GRM7: variants seen among roughly 807,000 people sequenced by gnomAD.
GRM7 encodes the protein metabotropic glutamate receptor 7.
A neutral mutation model predicts 84.5 loss-of-function variants in GRM7; 35 were observed. The ratio of observed to expected loss-of-function variants is 0.41; its 90% CI spans 0.32 to 0.55. GRM7 has a LOEUF of 0.55. Ranked by LOEUF, GRM7 falls within the 20% of genes least tolerant of loss-of-function variation. The pLI, the probability that GRM7 is intolerant of heterozygous loss-of-function variation, is 0.19. For missense variants in GRM7, 1,003 were observed against 1,194.6 expected (o/e 0.84, Z 2.36); for synonymous variants, 487 against 455.1 (o/e 1.07, Z -0.89).
At chr3:6,978,663 G>A (rs183531422) in intron 1 of GRM7, among the ~76,000 whole-genome samples, 471 of 152,240 alleles carry the variant, frequency 3.1e-3, no homozygotes, top group Admixed American at 4.7e-3. Context: ...GAGTGAGTGG[G>A]GGAGATGATG....
At chr3:6,941,861 C>T (rs182383870) in intron 1 of GRM7, among the ~76,000 whole-genome samples, 28 of 152,060 alleles carry the variant, frequency 1.8e-4, no homozygotes, top group Non-Finnish European at 3.1e-4. Context: ...CTTTGGAGGC[C>T]CTGTCAGTCT....
chr3:7,578,758 A>G lies in GRM7; in HGVS notation c.1852A>G (p.Thr618Ala). 1 of 1,613,424 alleles carries G rather than the reference A, an allele frequency of 6.2e-7. No homozygotes were observed. Among genetic ancestry groups the G allele is most frequent in the Non-Finnish European group, 8.5e-7 (1 of 1,179,456 alleles). The change falls in exon 8 of 10, where the codon ACG becomes GCG. Residue 618 changes from threonine to alanine, a missense_variant. Physicochemically the swap from Thr to Ala is moderately conservative, Grantham distance 58. Around this residue, in one of 2 missense-constraint regions of GRM7, gnomAD observed 910 missense variants for 1,126.0 expected, o/e 0.81. Coordinates refer to ENST00000357716, the MANE Select transcript of GRM7 (RefSeq NM_000844.4). ...GGCCACTTTCATCCGCTACAATGACACGCCCATTGTCCGGGCATCTGGGCG... is the reference window on the plus strand; with the variant it reads ...GGCCACTTTCATCCGCTACAATGACGCGCCCATTGTCCGGGCATCTGGGCG... ...VMATFIRYND[T>A]PIVRASGREL...
At chr3:6,942,801 CT>C (rs1386872667) in intron 1 of GRM7, among the ~76,000 whole-genome samples, 1 of 152,058 alleles carries the variant, frequency 6.6e-6, no homozygotes, top group Non-Finnish European at 1.5e-5. Flanking sequence ...AATTGCCAAA[CT>C]GTTTTCCAAA....
intron 8 of GRM7, among the ~76,000 whole-genome samples, chr3:7,630,256 G>C (rs1183235146): frequency 6.6e-6 from 1 of 152,130 alleles, no homozygotes; most frequent in Admixed American, 6.5e-5. Context: ...CTACAGGATA[G>C]AAGAAGAATT....
chr3:7,205,728 C>T (rs968209459), intron 2 of GRM7, among the ~76,000 whole-genome samples: 16 of 152,070 alleles, frequency 1.1e-4, no homozygotes, highest in African/African-American at 3.6e-4. Flanking sequence ...AACACCCAGA[C>T]GTGAATGCAG....
chr3:7,447,479 A>T (rs2124882630), intron 5 of GRM7, among the ~76,000 whole-genome samples: 2 of 152,264 alleles, frequency 1.3e-5, no homozygotes, highest in South Asian at 4.1e-4. Flanking sequence ...GAACCATTTC[A>T]TGTATTACTC....
intron 2 of GRM7, among the ~76,000 whole-genome samples, chr3:7,286,928 A>G (rs1699451384): frequency 6.6e-6 from 1 of 152,140 alleles, no homozygotes; most frequent in Non-Finnish European, 1.5e-5. Flanking sequence ...ATAATGTTAC[A>G]TTGGCTTAAA....
chr3:7,661,506 A>G (rs1387957088), intron 8 of GRM7, among the ~76,000 whole-genome samples: 1 of 152,100 alleles, frequency 6.6e-6, no homozygotes, highest in Admixed American at 6.6e-5. Flanking sequence ...TAAGAATATA[A>G]AATGCTGGCC....
At chr3:7,664,671 T>C (rs1484346487) in intron 8 of GRM7, among the ~76,000 whole-genome samples, 2 of 152,218 alleles carry the variant, frequency 1.3e-5, no homozygotes, top group Admixed American at 6.5e-5. Flanking sequence ...CCCCCATGCC[T>C]TCTATTTTTA....
At chr3:7,314,290 C>T (rs1000973089) in intron 4 of GRM7, among the ~76,000 whole-genome samples, 2 of 152,094 alleles carry the variant, frequency 1.3e-5, no homozygotes, top group African/African-American at 4.8e-5. Context: ...TTATCGTATC[C>T]ACATTGTAAT....
At chr3:7,133,995 G>A (rs1041634760) in intron 1 of GRM7, among the ~76,000 whole-genome samples, 5 of 152,038 alleles carry the variant, frequency 3.3e-5, no homozygotes, top group African/African-American at 4.8e-5. Flanking sequence ...AGAAAGCCTC[G>A]TTACATACTA....
intron 4 of GRM7, among the ~76,000 whole-genome samples, chr3:7,410,466 A>T (rs1208855399): frequency 6.6e-6 from 1 of 152,010 alleles, no homozygotes; most frequent in East Asian, 1.9e-4. Context: ...CCAGCTACCC[A>T]GGAGGCTGAG....
intron 7 of GRM7, among the ~76,000 whole-genome samples, chr3:7,577,543 G>T (rs3804908): frequency 0.34 from 51,182 of 152,000 alleles, 9,401 homozygotes; most frequent in African/African-American, 0.49. Context: ...CCTACTCTAA[G>T]GAGATTTCCA....
chr3:7,440,113 C>T lies in GRM7; in HGVS notation c.1175-12494C>T, dbSNP rs189819227. Among the ~76,000 whole-genome samples, 5 of 152,226 alleles carry T rather than the reference C, an allele frequency of 3.3e-5. No homozygotes were observed. The South Asian group carries it at 8.3e-4, about 25-fold the overall frequency. On this transcript the variant is annotated intron_variant, in intron 5 of 9. Transcript: ENST00000357716. ...CACAGGGATGAGAGCTTAGCAGATA[C>T]AGGATCAGAGAGGCTTGTCCAGTGG...
chr3:7,522,326 G>GGCAGT (rs3065602), intron 7 of GRM7, among the ~76,000 whole-genome samples: 1 of 152,098 alleles, frequency 6.6e-6, no homozygotes, highest in Admixed American at 6.6e-5. Context: ...ACTAAAAACA[G>GGCAGT]GAACAACAGT....
At position 7,006,701 on chromosome 3, in the gene GRM7, G is replaced by T. The variant is rs1235101381; in HGVS notation, c.520-139751G>T. Among the ~76,000 whole-genome samples the T allele has an allele frequency of 3.3e-5, 5 of 152,242 alleles. No homozygotes were observed. In the East Asian group the frequency reaches 9.7e-4, roughly 29 times the overall value. The stretch of plus-strand genomic sequence containing the variant: ...AATTTTAATTAATTTTCATAATTGA[G>T]AAATGAATTCATAAAAATAAAATAT... On this transcript the variant is annotated intron_variant, in intron 1 of 9. Transcript: ENST00000357716.
chr3:7,314,976 A>G (rs1157402654), intron 4 of GRM7, among the ~76,000 whole-genome samples: 2 of 151,040 alleles, frequency 1.3e-5, no homozygotes, highest in Admixed American at 6.6e-5. Context: ...TTTCCATACT[A>G]TTTCTGCAAA....
intron 7 of GRM7, among the ~76,000 whole-genome samples, chr3:7,564,917 G>A (rs1694191932): frequency 6.6e-6 from 1 of 152,008 alleles, no homozygotes; most frequent in Admixed American, 6.6e-5. Context: ...AGAAGTCAGG[G>A]ACTACTGAAA....
rs111953471 is a variant in GRM7, at chr3:7,173,774, A to G, written c.736+27106A>G. Among the ~76,000 whole-genome samples the G allele has an allele frequency of 3.3e-5, 5 of 152,202 alleles. 1 individual carries two copies. The highest frequency in any genetic ancestry group is 1.2e-4 in the African/African-American group (5 of 41,522). ...CTCAGAGCTTGGCTCAGATTTCACTACTTCATAGAAGCCTAACCTCCTCCC... is the reference window on the plus strand; with the variant it reads ...CTCAGAGCTTGGCTCAGATTTCACTGCTTCATAGAAGCCTAACCTCCTCCC... On this transcript the variant is annotated intron_variant, in intron 2 of 9. Transcript: ENST00000357716.
Sources: allele counts gnomAD v4.1 joint callset (sites outside exome capture counted in the v4.1 genomes callset), GRCh38; gene constraint gnomAD v4.1.1; regional missense constraint gnomAD v4.1.1; transcripts MANE v1.5; gene names NCBI Gene and HGNC (gene_info 2026-07-23, HGNC 2026-07-21).